Variants in STK3 observed in about 807,000 individuals in gnomAD.
STK3 encodes the protein serine/threonine kinase 3.
STK3 carries 41 observed loss-of-function variants against 58.0 expected under a neutral mutation model. That is an observed-to-expected ratio of 0.71 (90% confidence interval 0.55 to 0.92). The LOEUF is 0.92. STK3 is among the 40% of genes least tolerant of loss of function. The pLI is 0.00. For synonymous variants in STK3, 170 were observed against 191.0 expected (o/e 0.89, Z 0.91); for missense variants, 479 against 602.7 (o/e 0.79, Z 2.15).
intron 9 of STK3, among the ~76,000 whole-genome samples, chr8:98,533,558 G>A (rs935034322): frequency 3.3e-5 from 5 of 152,096 alleles, no homozygotes; most frequent in East Asian, 1.9e-4. Context: ...CATGATCTCC[G>A]CCCACTGAAG....
At chr8:98,825,936 G>A (rs1357472377), upstream of STK3, among the ~76,000 whole-genome samples, 2 of 147,890 alleles carry the variant, frequency 1.4e-5, no homozygotes, top group African/African-American at 4.9e-5. Context: ...CGGGCACCGC[G>A]GCGGGGGGCG....
the STK3 span, among the ~76,000 whole-genome samples, chr8:98,355,976 G>C: frequency 6.6e-6 from 1 of 152,198 alleles, no homozygotes; most frequent in Non-Finnish European, 1.5e-5. Context: ...TGCTCCATCA[G>C]TTGGATCCTA....
chr8:98,756,841 T>C (rs1347963565), intron 3 of STK3, among the ~76,000 whole-genome samples: 2 of 152,096 alleles, frequency 1.3e-5, no homozygotes, highest in Admixed American at 6.5e-5. Context: ...ATGGTTACAC[T>C]CTAGGGTCAA....
chr8:98,763,145 A>G (rs1830735995), intron 3 of STK3, among the ~76,000 whole-genome samples: 1 of 152,236 alleles, frequency 6.6e-6, no homozygotes, highest in African/African-American at 2.4e-5. Flanking sequence ...CCCTAGAAGT[A>G]CCTTCTTAGA....
At chr8:98,712,296 C>T (rs551038407) in intron 4 of STK3, among the ~76,000 whole-genome samples, 17 of 152,114 alleles carry the variant, frequency 1.1e-4, no homozygotes, top group East Asian at 5.8e-4. Context: ...TAACCTTAAA[C>T]GTAAATGGAC....
intron 6 of STK3, among the ~76,000 whole-genome samples, chr8:98,698,158 C>G (rs1212264504): frequency 6.6e-6 from 1 of 151,836 alleles, no homozygotes; most frequent in African/African-American, 2.4e-5. Flanking sequence ...GGTTTAAAGT[C>G]TGTTTTATCA....
At chr8:98,374,361 C>T (rs1174757755) in intron 2 of STK3, among the ~76,000 whole-genome samples, 1 of 152,184 alleles carries the variant, frequency 6.6e-6, no homozygotes. Flanking sequence ...TATCTGGTGG[C>T]TTTACAGAAT....
chr8:98,791,182 A>G (rs1336084373), intron 1 of STK3, among the ~76,000 whole-genome samples: 1 of 152,186 alleles, frequency 6.6e-6, no homozygotes, highest in Non-Finnish European at 1.5e-5. Flanking sequence ...ACAGCGACCA[A>G]GCTGAGAATC....
intron 6 of STK3, among the ~76,000 whole-genome samples, chr8:98,602,717 G>A (rs949773637): frequency 6.6e-6 from 1 of 152,058 alleles, no homozygotes; most frequent in Non-Finnish European, 1.5e-5. Flanking sequence ...CTAAAGTACA[G>A]TAAGAATTTT....
At chr8:98,740,389 T>G (rs1455246193) in intron 4 of STK3, among the ~76,000 whole-genome samples, 5 of 152,186 alleles carry the variant, frequency 3.3e-5, no homozygotes, top group East Asian at 3.8e-4. Context: ...GACTAACAGC[T>G]GATCTCTCAG....
chr8:98,388,571 C>A (rs1193762712), upstream of STK3, among the ~76,000 whole-genome samples: 2 of 152,064 alleles, frequency 1.3e-5, no homozygotes. Flanking sequence ...CCAGGAAATA[C>A]AAGAGATAAA....
chr8:98,635,677 A>G (rs1819561640), intron 6 of STK3, among the ~76,000 whole-genome samples: 2 of 152,218 alleles, frequency 1.3e-5, no homozygotes, highest in African/African-American at 4.8e-5. Context: ...GCTAGACTAC[A>G]TTATTAAGTA....
intron 4 of STK3, among the ~76,000 whole-genome samples, chr8:98,738,116 T>C (rs965691295): frequency 6.6e-6 from 1 of 152,214 alleles, no homozygotes; most frequent in Admixed American, 6.5e-5. Context: ...TAACACAAAT[T>C]ATGAGTTAAA....
intron 1 of STK3, among the ~76,000 whole-genome samples, chr8:98,893,576 A>AGAAAGGAAAGAAAGAAGGAAAGGAAAG (rs1163559559): frequency 6.6e-6 from 1 of 151,446 alleles, no homozygotes; most frequent in East Asian, 1.9e-4. Flanking sequence ...GAGGGAGGAA[A>AGAAAGGAAAGAAAGAAGGAAAGGAAAG]GAAAGGAAAG....
chr8:98,663,285 G>C (rs2130798518), intron 6 of STK3, among the ~76,000 whole-genome samples: 1 of 152,224 alleles, frequency 6.6e-6, no homozygotes, highest in East Asian at 1.9e-4. Flanking sequence ...CATCATCACT[G>C]GCCATCAGAG....
At chr8:98,898,186 G>A (rs969363186) in intron 1 of STK3, among the ~76,000 whole-genome samples, 1 of 152,254 alleles carries the variant, frequency 6.6e-6, no homozygotes, top group Non-Finnish European at 1.5e-5. Flanking sequence ...GGACTTCCCA[G>A]TCATGGCCTG....
intron 10 of STK3, among the ~76,000 whole-genome samples, chr8:98,505,882 G>T (rs1341763156): frequency 6.6e-6 from 1 of 152,200 alleles, no homozygotes; most frequent in Non-Finnish European, 1.5e-5. Context: ...CAGTCTGTCT[G>T]TTCTCAGAGC....
intron 10 of STK3, among the ~76,000 whole-genome samples, chr8:98,475,944 C>G (rs906762169): frequency 6.6e-6 from 1 of 152,168 alleles, no homozygotes; most frequent in Admixed American, 6.5e-5. Context: ...TAATCAAATA[C>G]GGTAAGCAGA....
At position 98,548,165 on chromosome 8, in the gene STK3, C is replaced by G; in HGVS notation, c.949-4G>C. On this transcript the variant is annotated splice_polypyrimidine_tract_variant and splice_region_variant and intron_variant, in intron 8 of 10. Transcript: ENST00000419617. ...GGGAATCCAGCTCATCTTCATCCTGCAAGCAAAATACTGCAATGAGGGAAG... is the reference window on the plus strand; with the variant it reads ...GGGAATCCAGCTCATCTTCATCCTGGAAGCAAAATACTGCAATGAGGGAAG... The G allele has an allele frequency of 6.6e-7, 1 of 1,521,318 alleles. No individual in the cohort carries two copies. The highest frequency in any genetic ancestry group is 8.8e-7 in the Non-Finnish European group (1 of 1,134,694). The allele number at this position is 1,521,318 out of a possible 1,614,324, so 94.2% of individuals were successfully genotyped here. A position where few individuals can be genotyped will look rare whatever the true frequency, so the allele number is the denominator to read the frequency against.
Sources: gnomAD v4.1 joint callset for allele counts (sites outside exome capture counted in the v4.1 genomes callset) on GRCh38, gnomAD v4.1.1 for gene constraint, MANE v1.5 for transcripts, NCBI Gene and HGNC (gene_info 2026-07-23, HGNC 2026-07-21) for gene names.